Variants in KAT2A observed in about 807,000 individuals in gnomAD.
KAT2A encodes lysine acetyltransferase 2A, also known as histone acetyltransferase KAT2A.
KAT2A carries 42 observed loss-of-function variants against 95.2 expected under a neutral mutation model. The ratio of observed to expected loss-of-function variants is 0.44; its 90% CI spans 0.34 to 0.57. KAT2A has a LOEUF of 0.57. KAT2A is among the 20% of genes least tolerant of loss of function. KAT2A has a pLI of 0.01. For missense variants in KAT2A, 784 were observed against 1,126.3 expected, an observed-to-expected ratio of 0.70 and a Z score of 4.35; for synonymous variants, 449 against 448.2, an observed-to-expected ratio of 1.00 and a Z score of -0.02.
chr17:42,117,631 C>T lies in KAT2A; in HGVS notation c.1429-35G>A, dbSNP rs782433159. 3 of 1,606,612 alleles carry T rather than the reference C, an allele frequency of 1.9e-6. No individual in the cohort carries two copies. Among genetic ancestry groups the T allele is most frequent in the East Asian group, 2.2e-5 (1 of 44,672 alleles). On this transcript the variant is annotated intron_variant, in intron 9 of 17. Transcript: ENST00000225916. The surrounding 1 kb of genome is among the most constrained non-coding windows in gnomAD (Gnocchi z 8.9). ...GAAGAGGGGTGGTGAGCCGGGGTCT[C>T]AGGTTGGTGGGGGTCCCCCAACTGG...
rs1480219015 is a variant in KAT2A at position 42,113,608 on chromosome 17, G to A, written c.*41C>T. 4.5e-6 allele frequency: 7 copies of A among 1,572,848 alleles called. No individual in the cohort carries two copies. The highest frequency in any genetic ancestry group is 6.0e-6 in the Non-Finnish European group (7 of 1,160,014). ...CCTAAGGATCAGATCAGAATCCGAGGTGGAGACATTCCAGGTCAGGGCTGC... is the reference window on the plus strand; with the variant it reads ...CCTAAGGATCAGATCAGAATCCGAGATGGAGACATTCCAGGTCAGGGCTGC... On this transcript the variant is annotated 3_prime_UTR_variant, in exon 18 of 18. Transcript: ENST00000225916.
At chr17:42,115,080 C>A in intron 12 of KAT2A, 45 bp from the exon 13 acceptor site, 1 of 1,599,184 alleles carries the variant, frequency 6.3e-7, no homozygotes, top group South Asian at 1.1e-5. Context: ...TAAGTATTTC[C>A]CAACTTCTGT....
In KAT2A at chr17:42,114,727, T is replaced by A; in HGVS notation, c.2020-123A>T. 1.7e-6 allele frequency: 2 copies of A among 1,163,884 alleles called. No individual in the cohort carries two copies. Among genetic ancestry groups the A allele is most frequent in the Non-Finnish European group, 2.5e-6 (2 of 802,026 alleles). The allele number at this position is 1,163,884 out of a possible 1,614,324, so 72.1% of individuals were successfully genotyped here. A position where few individuals can be genotyped will look rare whatever the true frequency, so the allele number is the denominator to read the frequency against. On this transcript the variant is annotated intron_variant, in intron 13 of 17. Transcript: ENST00000225916. The surrounding 1 kb of genome is among the most constrained non-coding windows in gnomAD (Gnocchi z 6.0). ...ACGCCACCTAATCCAGCACCTCCCCTCATAACTTCCCCAAGGGAGCAGAGC... is the reference window on the plus strand; with the variant it reads ...ACGCCACCTAATCCAGCACCTCCCCACATAACTTCCCCAAGGGAGCAGAGC...
At chr17:42,120,866 T>A in intron 1 of KAT2A, 37 bp from the exon 2 acceptor site, 3 of 1,589,702 alleles carry the variant, frequency 1.9e-6, no homozygotes, top group Non-Finnish European at 2.6e-6. Flanking sequence ...CCTATACCTC[T>A]GGGGCAAGAG....
chr17:42,113,663 G>C lies in KAT2A; in HGVS notation c.2500C>G (p.Leu834Val), dbSNP rs2144024976. ...CAAAGATGGGCCTACTTGTCAATGAGGCCTCCCTCCTTGAGCTTGAAGTAG... is the reference window on the plus strand; with the variant it reads ...CAAAGATGGGCCTACTTGTCAATGACGCCTCCCTCCTTGAGCTTGAAGTAG... ...FFYFKLKEGG[L>V]IDK The change falls in exon 18 of 18, where the codon CTC becomes GTC. Residue 834 changes from leucine (L) to valine (V), a missense_variant. Coordinates refer to ENST00000225916, the MANE Select transcript of KAT2A (RefSeq NM_021078.3). 2 of 1,609,712 alleles carry C rather than the reference G, an allele frequency of 1.2e-6. No homozygotes were observed. The highest frequency in any genetic ancestry group is 4.5e-5 in the East Asian group (2 of 44,666).
intron 6 of KAT2A, among the ~76,000 whole-genome samples, chr17:42,118,620 C>A (rs113087982): frequency 6.6e-6 from 1 of 152,164 alleles, no homozygotes; most frequent in Non-Finnish European, 1.5e-5. Flanking sequence ...AGTTTCACCA[C>A]GCTGTGTGGC....
chr17:42,119,026 G>T lies in KAT2A; in HGVS notation c.1073+219C>A. The stretch of plus-strand genomic sequence containing the variant: ...CATCTACTGGGGCGTAGGGTCGGGT[G>T]GGGGCAGCGTTAGCTTGGGCTATGT... On this transcript the variant is annotated intron_variant, in intron 6 of 17. Transcript: ENST00000225916. The surrounding 1 kb of genome is among the most constrained non-coding windows in gnomAD (Gnocchi z 5.3). 1 of 1,377,004 alleles carries T rather than the reference G, an allele frequency of 7.3e-7. No homozygotes were observed. The highest frequency in any genetic ancestry group is 9.4e-7 in the Non-Finnish European group (1 of 1,067,766). The allele number at this position is 1,377,004 out of a possible 1,614,324, so 85.3% of individuals were successfully genotyped here.
At chr17:42,118,991 CAATT>C in intron 6 of KAT2A, 1 of 1,297,000 alleles carries the variant, frequency 7.7e-7, no homozygotes, top group Non-Finnish European at 9.8e-7. Context: ...CCATGGGAAA[CAATT>C]AGTAACATCT....
rs782745282 is a variant in KAT2A, at chr17:42,121,103, C to G, written c.202G>C (p.Gly68Arg). Residue 68 changes from glycine (G) to arginine (R), a missense_variant, in exon 1 of 18, where the codon GGG becomes CGG. Coordinates refer to ENST00000225916, the MANE Select transcript of KAT2A (RefSeq NM_021078.3). ...TGTGGPGVGS[G>R]GAGSGGDPAR... ...GGATCCCCCCCGCTCCCGGCCCCCC[C>G]ACTTCCTACCCCGGGCCCCCCAGTC... 1.1e-5 allele frequency: 17 copies of G among 1,532,226 alleles called. No individual in the cohort carries two copies. The highest frequency in any genetic ancestry group is 2.4e-5 in the East Asian group (1 of 41,350). The allele number at this position is 1,532,226 out of a possible 1,614,324, so 94.9% of individuals were successfully genotyped here.
Position 42,115,780 on chromosome 17 carries a change from G to A in KAT2A, c.1818C>T (p.Asn606=). The A allele has an allele frequency of 6.2e-7, 1 of 1,614,060 alleles. No individual in the cohort carries two copies. Among genetic ancestry groups the A allele is most frequent in the Non-Finnish European group, 8.5e-7 (1 of 1,179,906 alleles). Residue 606 remains asparagine (N), a synonymous_variant, in exon 12 of 18, where the codon AAC becomes AAT. Coordinates refer to ENST00000225916, the MANE Select transcript of KAT2A (RefSeq NM_021078.3). ...CGGCGTAGGTGAGGAAGTAGAGAAT[G>A]TTGTGCTTGATGTGATACTCCTTCA... ...NHLKEYHIKH[N]ILYFLTYADE... is the part of the protein sequence containing the mutation.
chr17:42,120,152 G>C (rs1555666996), intron 3 of KAT2A, 33 bp from the exon 4 acceptor site: 1 of 1,612,728 alleles, frequency 6.2e-7, no homozygotes, highest in Admixed American at 1.7e-5. Context: ...ATAGAGGGGA[G>C]GGGGGCAGAG....
intron 2 of KAT2A, 93 bp downstream of exon 2, chr17:42,120,613 A>AT (rs761250876): frequency 9.2e-4 from 1,290 of 1,395,076 alleles, no homozygotes; most frequent in Middle Eastern, 1.8e-3. Context: ...GGCATCTTTG[A>AT]TTTTTTCAGA....
At position 42,115,980 on chromosome 17, in the gene KAT2A, A is replaced by G. The variant is rs1177654352; in HGVS notation, c.1765-147T>C. 6.1e-6 allele frequency: 4 copies of G among 656,786 alleles called. No homozygotes were observed. The Admixed American group carries it at 9.2e-5, about 15-fold the overall frequency. The allele number at this position is 656,786 out of a possible 1,614,324, so 40.7% of individuals were successfully genotyped here. A position where few individuals can be genotyped will look rare whatever the true frequency, so the allele number is the denominator to read the frequency against. The stretch of plus-strand genomic sequence containing the variant: ...GCAAAGAGGAAGAAAGGCAGCTGAC[A>G]GAGGAAGGGGAGCTTATGGGGAGAA... On this transcript the variant is annotated intron_variant, in intron 11 of 17. Coordinates refer to ENST00000225916, the MANE Select transcript of KAT2A (RefSeq NM_021078.3).
In KAT2A at chr17:42,119,868, C is replaced by A. The variant is rs890267628; in HGVS notation, c.700-150G>T. On this transcript the variant is annotated intron_variant, in intron 4 of 17. Coordinates refer to ENST00000225916, the MANE Select transcript of KAT2A (RefSeq NM_021078.3). This position sits in a 1 kb window ranked among gnomAD's most constrained non-coding sequence, Gnocchi z 5.3. ...TGCTCTCTATAGAAAAGCTCTGCCC[C>A]CTCCCTACCACCATGCCCACCCTGA... The A allele has an allele frequency of 6.2e-6, 6 of 966,342 alleles. No individual in the cohort carries two copies. In the East Asian group the frequency reaches 1.5e-4, roughly 25 times the overall value. 59.9% of individuals were successfully genotyped at this position (966,342 alleles called of 1,614,324 possible). A position where few individuals can be genotyped will look rare whatever the true frequency, so the allele number is the denominator to read the frequency against.
chr17:42,114,369 C>T lies in KAT2A; in HGVS notation c.2160G>A (p.Gly720=). ...GIRETGWKPL[G]KEKGKELKDP... ...CCTTTGACACTCACCCCTTCTCCTTCCCCAATGGCTTCCAGCCTGTCTCTC... is the reference window on the plus strand; with the variant it reads ...CCTTTGACACTCACCCCTTCTCCTTTCCCAATGGCTTCCAGCCTGTCTCTC... Residue 720 remains glycine, a synonymous_variant, in exon 15 of 18, where the codon GGG becomes GGA. Coordinates refer to ENST00000225916, the MANE Select transcript of KAT2A (RefSeq NM_021078.3). The surrounding 1 kb of genome is among the most constrained non-coding windows in gnomAD (Gnocchi z 6.0). The T allele has an allele frequency of 2.5e-6, 4 of 1,614,080 alleles. No individual in the cohort carries two copies. Among genetic ancestry groups the T allele is most frequent in the Non-Finnish European group, 3.4e-6 (4 of 1,179,972 alleles).
chr17:42,120,937 C>A, intron 1 of KAT2A, 29 bp downstream of exon 1: 1 of 1,554,886 alleles, frequency 6.4e-7, no homozygotes, highest in South Asian at 1.2e-5. Flanking sequence ...CCCCAAGCCC[C>A]GCCCCTTCAC....
intron 11 of KAT2A, among the ~76,000 whole-genome samples, 188 bp from the exon 12 acceptor site, chr17:42,116,021 C>T (rs2054253704): frequency 6.6e-6 from 1 of 152,220 alleles, no homozygotes; most frequent in South Asian, 2.1e-4. Flanking sequence ...AGGGTGCGGG[C>T]TTTCTAAGCT....
Position 42,117,876 on chromosome 17 carries a change from G to T in KAT2A, c.1291+31C>A. ...AAAAAAGGTTTGGGAAGGAGTGAAT[G>T]AGGGTCAGAGGTCAGGGGTCAAGTA... is the stretch of plus-strand genomic sequence containing the variant. On this transcript the variant is annotated intron_variant, in intron 8 of 17. Coordinates refer to ENST00000225916, the MANE Select transcript of KAT2A (RefSeq NM_021078.3). The surrounding 1 kb of genome is among the most constrained non-coding windows in gnomAD (Gnocchi z 8.9). The T allele has an allele frequency of 6.2e-7, 1 of 1,602,512 alleles. No individual in the cohort carries two copies. Among genetic ancestry groups the T allele is most frequent in the Non-Finnish European group, 8.5e-7 (1 of 1,171,794 alleles).
In KAT2A at chr17:42,114,205, C is replaced by A; in HGVS notation, c.2235+14G>T. On this transcript the variant is annotated intron_variant, in intron 16 of 17. Transcript: ENST00000225916. The surrounding 1 kb of genome is among the most constrained non-coding windows in gnomAD (Gnocchi z 6.0). The stretch of plus-strand genomic sequence containing the variant: ...TGGTGCAGGGGCCCTGGAAAGGAAA[C>A]CTGGTCTCCCCACCTTGATTTGGGC... 1.3e-6 allele frequency: 2 copies of A among 1,591,118 alleles called. No homozygotes were observed. The highest frequency in any genetic ancestry group is 1.1e-5 in the South Asian group (1 of 89,274).
Sources: gnomAD v4.1 joint callset for allele counts (sites outside exome capture counted in the v4.1 genomes callset) on GRCh38, gnomAD v4.1.1 for gene constraint, Gnocchi (gnomAD v3.1) non-coding constraint, MANE v1.5 for transcripts, NCBI Gene and HGNC (gene_info 2026-07-23, HGNC 2026-07-21) for gene names.